The following LYPLAL1 variants were observed in gnomAD, a reference collection of about 807,000 sequenced individuals.
The protein encoded by LYPLAL1 is lysophospholipase-like protein 1.
A neutral mutation model predicts 19.7 loss-of-function variants in LYPLAL1; 23 were observed. That is an observed-to-expected ratio of 1.17 (90% confidence interval 0.84 to 1.65). The LOEUF is 1.65. LYPLAL1 is among the 40% of genes most tolerant of loss of function. The probability of loss-of-function intolerance (pLI) is 0.00; values close to 1 mark genes in which losing one functional copy is unlikely to be tolerated. For synonymous variants in LYPLAL1, 119 were observed against 96.3 expected, an observed-to-expected ratio of 1.24 and a Z score of -1.38; for missense variants, 355 against 279.4, an observed-to-expected ratio of 1.27 and a Z score of -1.93.
chr1:219,286,874 T>C, the LYPLAL1 span, among the ~76,000 whole-genome samples: 21 of 152,350 alleles, frequency 1.4e-4, no homozygotes, highest in African/African-American at 3.8e-4. Context: ...CAGTTTCCTG[T>C]AATGGTTTGC....
At chr1:219,215,446 C>A (rs1659259173), downstream of LYPLAL1, among the ~76,000 whole-genome samples, 1 of 152,024 alleles carries the variant, frequency 6.6e-6, no homozygotes, top group East Asian at 1.9e-4. Flanking sequence ...GGTATAATTT[C>A]TCACGTGTCT....
At chr1:219,233,350 G>C in the LYPLAL1 span, among the ~76,000 whole-genome samples, 1 of 152,160 alleles carries the variant, frequency 6.6e-6, no homozygotes, top group Non-Finnish European at 1.5e-5. Flanking sequence ...ATAAAGGAGG[G>C]AGTGATAGGG....
At chr1:219,289,882 G>A in the LYPLAL1 span, among the ~76,000 whole-genome samples, 16 of 152,126 alleles carry the variant, frequency 1.1e-4, no homozygotes, top group South Asian at 2.1e-4. Context: ...ATGCCCCTTG[G>A]CCACCCTACC....
the LYPLAL1 span, among the ~76,000 whole-genome samples, chr1:219,235,428 G>T: frequency 1.3e-5 from 2 of 152,132 alleles, no homozygotes; most frequent in East Asian, 3.8e-4. Context: ...TTTTTTACAG[G>T]ACATAATTTA....
chr1:219,210,726 G>A, intron 4 of LYPLAL1, 79 bp downstream of exon 4: 1 of 1,326,704 alleles, frequency 7.5e-7, no homozygotes, highest in Non-Finnish European at 1.0e-6. Flanking sequence ...CGGTAATAAA[G>A]CTGTAAAACA....
the LYPLAL1 span, among the ~76,000 whole-genome samples, chr1:219,296,285 G>A: frequency 6.6e-6 from 1 of 152,158 alleles, no homozygotes; most frequent in Non-Finnish European, 1.5e-5. Flanking sequence ...ATGGCTAGGG[G>A]ATATGTAGGT....
the LYPLAL1 span, among the ~76,000 whole-genome samples, chr1:219,314,806 C>T: frequency 6.6e-6 from 1 of 152,154 alleles, no homozygotes; most frequent in East Asian, 1.9e-4. Flanking sequence ...CTTTATTGAT[C>T]CATTAACGCA....
At chr1:219,202,494 T>G (rs1256552808) in intron 3 of LYPLAL1, among the ~76,000 whole-genome samples, 2 of 152,240 alleles carry the variant, frequency 1.3e-5, no homozygotes, top group East Asian at 3.8e-4. Context: ...TGTTTAGTAT[T>G]TTTCTACTAG....
At chr1:219,354,929 G>C in the LYPLAL1 span, among the ~76,000 whole-genome samples, 7 of 151,944 alleles carry the variant, frequency 4.6e-5, no homozygotes. Flanking sequence ...TTGTATTATG[G>C]GGACTTAAAC....
At chr1:219,420,135 G>T in the LYPLAL1 span, among the ~76,000 whole-genome samples, 1 of 152,204 alleles carries the variant, frequency 6.6e-6, no homozygotes, top group African/African-American at 2.4e-5. Context: ...AGCCCCTGAG[G>T]AAAGGAATTG....
the LYPLAL1 span, among the ~76,000 whole-genome samples, chr1:219,384,060 C>T: frequency 1.3e-5 from 2 of 152,142 alleles, no homozygotes; most frequent in Admixed American, 1.3e-4. Context: ...GCCCATATGT[C>T]TTATAAGACA....
At chr1:219,293,132 G>A in the LYPLAL1 span, among the ~76,000 whole-genome samples, 1 of 152,158 alleles carries the variant, frequency 6.6e-6, no homozygotes, top group Non-Finnish European at 1.5e-5. Context: ...TTACATCTGG[G>A]ATGGGATAGC....
At chr1:219,182,131 C>T (rs894479970) in intron 2 of LYPLAL1, among the ~76,000 whole-genome samples, 1 of 152,074 alleles carries the variant, frequency 6.6e-6, no homozygotes, top group African/African-American at 2.4e-5. Context: ...CTTGACCCTG[C>T]AATAGATTGA....
chr1:219,340,230 G>A, the LYPLAL1 span, among the ~76,000 whole-genome samples: 1 of 152,018 alleles, frequency 6.6e-6, no homozygotes, highest in Non-Finnish European at 1.5e-5. Context: ...ATAATGTTCA[G>A]TTTAGTTAAG....
the LYPLAL1 span, among the ~76,000 whole-genome samples, chr1:219,295,285 C>A: frequency 6.6e-6 from 1 of 152,124 alleles, no homozygotes; most frequent in East Asian, 1.9e-4. Context: ...CCATTGAGAA[C>A]CATGGAGCTG....
chr1:219,391,727 T>C, the LYPLAL1 span, among the ~76,000 whole-genome samples: 1 of 152,322 alleles, frequency 6.6e-6, no homozygotes, highest in Non-Finnish European at 1.5e-5. Context: ...ACTCTATTTC[T>C]TTCTGTTGAA....
chr1:219,408,529 A>G, the LYPLAL1 span, among the ~76,000 whole-genome samples: 20 of 152,144 alleles, frequency 1.3e-4, no homozygotes, highest in Non-Finnish European at 4.4e-5. Flanking sequence ...CAGTCAAGGA[A>G]AAGGTAATTA....
the LYPLAL1 span, among the ~76,000 whole-genome samples, chr1:219,339,572 G>A: frequency 5.3e-4 from 81 of 152,040 alleles, 1 homozygote; most frequent in African/African-American, 1.9e-3. Flanking sequence ...GGTGTCTATC[G>A]TTTGCCAAGT....
chr1:219,443,463 A>G, the LYPLAL1 span, among the ~76,000 whole-genome samples: 1 of 152,208 alleles, frequency 6.6e-6, no homozygotes, highest in Admixed American at 6.5e-5. Context: ...ACTTTTTAAC[A>G]TCATTTTAGC....
Sources: allele counts gnomAD v4.1 joint callset (sites outside exome capture counted in the v4.1 genomes callset), GRCh38; gene constraint gnomAD v4.1.1; transcripts MANE v1.5; gene names NCBI Gene and HGNC (gene_info 2026-07-23, HGNC 2026-07-21).